Variants in FLT1 observed in about 807,000 individuals in gnomAD.
The protein encoded by FLT1 is fms related receptor tyrosine kinase 1, also known as vascular endothelial growth factor receptor 1.
FLT1 carries 49 observed loss-of-function variants against 156.3 expected under a neutral mutation model. That is an observed-to-expected ratio of 0.31 (90% CI 0.25 to 0.40). The LOEUF is 0.40. FLT1 is among the 10% of genes least tolerant of loss of function. FLT1 has a pLI of 1.00. For missense variants in FLT1, 1,322 were observed against 1,637.2 expected, an observed-to-expected ratio of 0.81 and a Z score of 3.32; for synonymous variants, 594 against 583.8, an observed-to-expected ratio of 1.02 and a Z score of -0.25.
At chr13:28,491,553 T>C (rs1881469837) in intron 1 of FLT1, among the ~76,000 whole-genome samples, 1 of 152,174 alleles carries the variant, frequency 6.6e-6, no homozygotes, top group African/African-American at 2.4e-5. Flanking sequence ...CCAGCCCATC[T>C]CTTCCAAAAC....
At chr13:28,317,310 C>G (rs549029298) in intron 25 of FLT1, among the ~76,000 whole-genome samples, 188 bp downstream of exon 25, 1 of 152,228 alleles carries the variant, frequency 6.6e-6, no homozygotes, top group Admixed American at 6.5e-5. Flanking sequence ...GGGCCACGTG[C>G]CCCACTGCAA....
chr13:28,484,998 G>A (rs1422372345), intron 1 of FLT1, among the ~76,000 whole-genome samples: 1 of 151,654 alleles, frequency 6.6e-6, no homozygotes, highest in East Asian at 1.9e-4. Flanking sequence ...GAGTTACTGG[G>A]TGCAGCACAC....
chr13:28,411,562 A>T (rs907909590), intron 10 of FLT1, among the ~76,000 whole-genome samples: 1 of 151,974 alleles, frequency 6.6e-6, no homozygotes, highest in South Asian at 2.1e-4. Flanking sequence ...AAAAAAAAAA[A>T]AAAAAACTTA....
chr13:28,466,076 T>G (rs2137620208), intron 3 of FLT1, among the ~76,000 whole-genome samples: 1 of 152,252 alleles, frequency 6.6e-6, no homozygotes, highest in African/African-American at 2.4e-5. Context: ...TGTGTGTGCG[T>G]TTTTTTCTTT....
chr13:28,322,082 G>A lies in FLT1; in HGVS notation c.3051+180C>T, dbSNP rs1355462471. Among the ~76,000 whole-genome samples, 1 of 152,144 alleles carries A rather than the reference G, an allele frequency of 6.6e-6. No homozygotes were observed. The highest frequency in any genetic ancestry group is 1.5e-5 in the Non-Finnish European group (1 of 68,022). ...TCCCCAGAATTAAGTTCTATCCACT[G>A]GTATCCATGACTCCTCATTCTCAAA... On this transcript the variant is annotated intron_variant, in intron 22 of 29. Transcript: ENST00000282397. The surrounding 1 kb of genome is among the most constrained non-coding windows in gnomAD (Gnocchi z 4.3).
chr13:28,407,755 T>C (rs1156840258), intron 10 of FLT1, among the ~76,000 whole-genome samples: 1 of 152,180 alleles, frequency 6.6e-6, no homozygotes, highest in Admixed American at 6.5e-5. Context: ...TGAGGTAAAA[T>C]AAATGAACAT....
Position 28,302,791 on chromosome 13 carries a change from TG to T in FLT1, c.*375del. 3.7e-6 allele frequency: 1 copy of T among 272,126 alleles called. No homozygotes were observed. Among genetic ancestry groups the T allele is most frequent in the Non-Finnish European group, 6.9e-6 (1 of 143,948 alleles). The allele number at this position is 272,126 out of a possible 1,614,324, so 16.9% of individuals were successfully genotyped here. On this transcript the variant is annotated 3_prime_UTR_variant, in exon 30 of 30. Coordinates refer to ENST00000282397, the MANE Select transcript of FLT1 (RefSeq NM_002019.4). ...CTAACGGGCTTGTTGCCCTGGGTTT[TG>T]GGCTGCAGGGCTGGCCCAGTGGGGT... is the stretch of plus-strand genomic sequence containing the variant.
At chr13:28,345,103 T>G (rs1224052978) in intron 16 of FLT1, among the ~76,000 whole-genome samples, 1 of 152,060 alleles carries the variant, frequency 6.6e-6, no homozygotes, top group Non-Finnish European at 1.5e-5. Context: ...GTGCCCAGTC[T>G]CCTTTTTATT....
In FLT1 at chr13:28,311,636, T is replaced by C. The variant is rs776343811; in HGVS notation, c.3589A>G (p.Ser1197Gly). ...PAFSEDFFKE[S>G]ISAPKFNSGS... ...GAATTAAACTTCGGAGCTGAAATAC[T>C]TTCCTTGAAGAAGTCCTCAGAGAAG... Residue 1197 changes from serine (S) to glycine (G), a missense_variant, in exon 27 of 30, where the codon AGT becomes GGT. Physicochemically the swap from Ser to Gly is moderately conservative, Grantham distance 56. Around this residue, in one of 3 missense-constraint regions of FLT1, gnomAD observed 329 missense variants for 366.2 expected, o/e 0.90. Coordinates refer to ENST00000282397, the MANE Select transcript of FLT1 (RefSeq NM_002019.4). The C allele has an allele frequency of 3.1e-6, 5 of 1,613,838 alleles. No homozygotes were observed. Among genetic ancestry groups the C allele is most frequent in the African/African-American group, 1.3e-5 (1 of 74,926 alleles).
chr13:28,393,788 T>G (rs1220563252), intron 12 of FLT1, among the ~76,000 whole-genome samples: 1 of 152,158 alleles, frequency 6.6e-6, no homozygotes, highest in Non-Finnish European at 1.5e-5. Flanking sequence ...GATTTTGCCA[T>G]GTTTCCCAGG....
chr13:28,357,172 G>A (rs1471005660), intron 15 of FLT1, among the ~76,000 whole-genome samples: 1 of 152,162 alleles, frequency 6.6e-6, no homozygotes, highest in East Asian at 1.9e-4. Context: ...AAGTGTGCGA[G>A]TTCCCCCTCC....
intron 3 of FLT1, among the ~76,000 whole-genome samples, chr13:28,460,522 ACT>A (rs1488337448): frequency 1.3e-5 from 2 of 152,028 alleles, no homozygotes; most frequent in African/African-American, 4.8e-5. Context: ...GAGTGGGAAA[ACT>A]CAGTTCAGGA....
Position 28,322,739 on chromosome 13 carries a change from T to C in FLT1, c.2953+51A>G. ...AGAAAAAAATTTCAGAGATGCATAG[T>C]ATGTTGTAAAAATATCTCAGCGCGT... On this transcript the variant is annotated intron_variant, in intron 21 of 29. Coordinates refer to ENST00000282397, the MANE Select transcript of FLT1 (RefSeq NM_002019.4). This position sits in a 1 kb window ranked among gnomAD's most constrained non-coding sequence, Gnocchi z 4.3. The C allele has an allele frequency of 1.9e-6, 3 of 1,565,364 alleles. No homozygotes were observed. Among genetic ancestry groups the C allele is most frequent in the Non-Finnish European group, 2.6e-6 (3 of 1,137,546 alleles).
intron 3 of FLT1, among the ~76,000 whole-genome samples, chr13:28,444,424 C>CTTAAAAA (rs1878498488): frequency 1.3e-5 from 2 of 151,816 alleles, no homozygotes; most frequent in Admixed American, 1.3e-4. Context: ...CTGGGCGACA[C>CTTAAAAA]AGCAAGACTC....
At chr13:28,395,245 G>A (rs920906375) in intron 12 of FLT1, among the ~76,000 whole-genome samples, 8 of 152,166 alleles carry the variant, frequency 5.3e-5, no homozygotes, top group African/African-American at 1.9e-4. Flanking sequence ...TGGTTTGTGG[G>A]CCTCCACTGG....
At chr13:28,361,939 G>T (rs548018591) in intron 14 of FLT1, among the ~76,000 whole-genome samples, 1 of 152,258 alleles carries the variant, frequency 6.6e-6, no homozygotes, top group East Asian at 1.9e-4. Flanking sequence ...ATTTAAGGAC[G>T]TTCAGTCTAG....
At chr13:28,485,820 C>T (rs1011575792) in intron 1 of FLT1, among the ~76,000 whole-genome samples, 9 of 152,142 alleles carry the variant, frequency 5.9e-5, no homozygotes, top group Admixed American at 4.6e-4. Context: ...AAGGAAGCCC[C>T]GGCCAGGCTA....
At chr13:28,418,120 C>T (rs550467557) in intron 10 of FLT1, among the ~76,000 whole-genome samples, 3 of 152,184 alleles carry the variant, frequency 2.0e-5, no homozygotes, top group East Asian at 3.9e-4. Context: ...AAGGACAATA[C>T]GAATAGGGGA....
At chr13:28,359,298 C>T (rs1873022583) in intron 14 of FLT1, among the ~76,000 whole-genome samples, 1 of 152,108 alleles carries the variant, frequency 6.6e-6, no homozygotes, top group Non-Finnish European at 1.5e-5. Flanking sequence ...GGACAGTCTC[C>T]TTAATAAGTG....
Sources: allele counts gnomAD v4.1 joint callset (sites outside exome capture counted in the v4.1 genomes callset), GRCh38; gene constraint gnomAD v4.1.1; regional missense constraint gnomAD v4.1.1; non-coding constraint Gnocchi (gnomAD v3.1); transcripts MANE v1.5; gene names NCBI Gene and HGNC (gene_info 2026-07-23, HGNC 2026-07-21).